Variants in ARHGAP26 observed in about 807,000 individuals in gnomAD.
ARHGAP26 encodes the protein Rho GTPase activating protein 26, also known as rho GTPase-activating protein 26.
ARHGAP26 carries 38 observed loss-of-function variants against 104.8 expected under a neutral mutation model. The observed-to-expected ratio is 0.36, with a 90% confidence interval of 0.28 to 0.48. ARHGAP26 has a LOEUF of 0.48. Among genes scored for constraint, ARHGAP26 ranks in the 20% least tolerant of loss-of-function variants. The pLI, the probability that ARHGAP26 is intolerant of heterozygous loss-of-function variation, is 0.99. For missense variants in ARHGAP26, 704 were observed against 947.9 expected, an observed-to-expected ratio of 0.74 and a Z score of 3.38; for synonymous variants, 341 against 340.0, an observed-to-expected ratio of 1.00 and a Z score of -0.03.
At chr5:142,859,700 T>C (rs1194991035) in intron 1 of ARHGAP26, 1 of 152,286 alleles carries the variant, frequency 6.6e-6, no homozygotes, top group African/African-American at 2.4e-5. Flanking sequence ...ATGCACATTT[T>C]CCCAGTGTGC....
chr5:142,908,570 G>A (rs1761423096), intron 9 of ARHGAP26, among the ~76,000 whole-genome samples: 1 of 152,168 alleles, frequency 6.6e-6, no homozygotes, highest in African/African-American at 2.4e-5. Context: ...AACTAAAGTA[G>A]ACACTGCATT....
intron 14 of ARHGAP26, among the ~76,000 whole-genome samples, chr5:143,052,464 G>A (rs1051778536): frequency 1.3e-5 from 2 of 150,104 alleles, no homozygotes; most frequent in Non-Finnish European, 3.0e-5. Context: ...GTGAGACTCT[G>A]TCTGAAAAAA....
rs140275712 is a variant in ARHGAP26, at chr5:142,786,121, C to T, written c.154+15206C>T. 9.5e-3 allele frequency among the ~76,000 whole-genome samples: 1,435 copies of T among 151,792 alleles called. 13 individuals carry two copies. The highest frequency in any genetic ancestry group is 0.016 in the Non-Finnish European group (1,089 of 67,962). The stretch of plus-strand genomic sequence containing the variant: ...AAGTAGCCAGAACTACTGGCTTTTG[C>T]CACTATGCCTGGCTAATTAAAAAAC... On this transcript the variant is annotated intron_variant, in intron 1 of 22. Coordinates refer to ENST00000645722, the MANE Select transcript of ARHGAP26 (RefSeq NM_001135608.3).
chr5:143,134,466 T>A (rs1797702759), intron 19 of ARHGAP26, among the ~76,000 whole-genome samples: 1 of 152,188 alleles, frequency 6.6e-6, no homozygotes, highest in Admixed American at 6.5e-5. Flanking sequence ...TTTCCTTTTC[T>A]CGGTTGTAAT....
chr5:143,207,174 T>C, intron 20 of ARHGAP26, 24 bp from the exon 21 acceptor site: 1 of 1,607,198 alleles, frequency 6.2e-7, no homozygotes, highest in Non-Finnish European at 8.5e-7. Flanking sequence ...TGCTGACAAG[T>C]TTTCTGGTTG....
chr5:143,153,283 A>G (rs1031719742), intron 20 of ARHGAP26, among the ~76,000 whole-genome samples: 1 of 152,216 alleles, frequency 6.6e-6, no homozygotes, highest in Non-Finnish European at 1.5e-5. Context: ...TAGTTCTGGC[A>G]TCGACATTGC....
intron 20 of ARHGAP26, among the ~76,000 whole-genome samples, chr5:143,193,708 A>G (rs1175181339): frequency 5.9e-5 from 9 of 152,220 alleles, no homozygotes; most frequent in Non-Finnish European, 1.5e-5. Flanking sequence ...GGGAAAATAT[A>G]TGCTGAGGCT....
chr5:143,028,814 A>G (rs1474515857), intron 12 of ARHGAP26, among the ~76,000 whole-genome samples: 1 of 152,194 alleles, frequency 6.6e-6, no homozygotes, highest in Non-Finnish European at 1.5e-5. Context: ...ACTTTAGTTA[A>G]TATTAAAGTT....
intron 11 of ARHGAP26, among the ~76,000 whole-genome samples, chr5:142,994,906 G>A (rs1184925247): frequency 1.3e-5 from 2 of 152,174 alleles, no homozygotes. Context: ...AAATAGGTTT[G>A]ACAAAAACAA....
chr5:142,880,985 C>G (rs948640937), intron 4 of ARHGAP26, among the ~76,000 whole-genome samples: 1 of 152,218 alleles, frequency 6.6e-6, no homozygotes, highest in Admixed American at 6.5e-5. Flanking sequence ...GGTGCTGTAT[C>G]AGAGATTAAG....
chr5:142,797,075 G>A (rs572042656), intron 1 of ARHGAP26, among the ~76,000 whole-genome samples: 1 of 152,342 alleles, frequency 6.6e-6, no homozygotes, highest in African/African-American at 2.4e-5. Flanking sequence ...AAGAGTCTTT[G>A]TTCAGTGGAC....
At position 143,224,694 on chromosome 5, in the gene ARHGAP26, T is replaced by G; in HGVS notation, c.*2248T>G. The G allele has an allele frequency of 4.4e-6, 1 of 229,570 alleles. No individual in the cohort carries two copies. Among genetic ancestry groups the G allele is most frequent in the Non-Finnish European group, 8.6e-6 (1 of 115,760 alleles). 14.2% of individuals were successfully genotyped at this position (229,570 alleles called of 1,614,324 possible). A position where few individuals can be genotyped will look rare whatever the true frequency, so the allele number is the denominator to read the frequency against. Reference sequence around the variant, plus strand: ...TCTGTAAGTTCTTAAAGAACCAGCTTCTTAGAATGTTCAGTTCTCAATGTG... The same window carrying G: ...TCTGTAAGTTCTTAAAGAACCAGCTGCTTAGAATGTTCAGTTCTCAATGTG... On this transcript the variant is annotated 3_prime_UTR_variant, in exon 23 of 23. Transcript: ENST00000645722.
At chr5:142,857,273 G>A (rs1752514806) in intron 1 of ARHGAP26, among the ~76,000 whole-genome samples, 1 of 152,140 alleles carries the variant, frequency 6.6e-6, no homozygotes, top group South Asian at 2.1e-4. Context: ...CAATTTTGAG[G>A]GTACTATCCA....
intron 17 of ARHGAP26, among the ~76,000 whole-genome samples, chr5:143,078,393 G>C (rs246643): frequency 0.44 from 66,428 of 151,906 alleles, 17,968 homozygotes; most frequent in East Asian, 0.91. Flanking sequence ...ATTTCAATTC[G>C]GATTTTGGTT....
chr5:142,783,273 C>A (rs1304544782), intron 1 of ARHGAP26, among the ~76,000 whole-genome samples: 3 of 152,232 alleles, frequency 2.0e-5, no homozygotes, highest in Non-Finnish European at 4.4e-5. Context: ...GCCAGTGTGG[C>A]TCCACGCCTG....
intron 20 of ARHGAP26, among the ~76,000 whole-genome samples, chr5:143,177,154 T>A (rs1370155872): frequency 6.6e-6 from 1 of 152,234 alleles, no homozygotes; most frequent in East Asian, 1.9e-4. Flanking sequence ...TGATAAGTTA[T>A]ATGATCACTC....
At chr5:142,911,288 C>A (rs1249237793) in intron 9 of ARHGAP26, among the ~76,000 whole-genome samples, 2 of 152,200 alleles carry the variant, frequency 1.3e-5, no homozygotes, top group Non-Finnish European at 2.9e-5. Flanking sequence ...TGTCACTCCT[C>A]AAAGTCTTCT....
intron 11 of ARHGAP26, among the ~76,000 whole-genome samples, chr5:142,994,835 A>G (rs534122388): frequency 2.0e-5 from 3 of 152,318 alleles, no homozygotes; most frequent in African/African-American, 7.2e-5. Flanking sequence ...TCTCCATTTT[A>G]TAGATGGGGT....
intron 11 of ARHGAP26, among the ~76,000 whole-genome samples, chr5:142,973,996 A>G (rs368530298): frequency 6.6e-6 from 1 of 152,008 alleles, no homozygotes; most frequent in Non-Finnish European, 1.5e-5. Context: ...GTGCCCTAAC[A>G]TTTTTAGCTT....
Sources: gnomAD v4.1 joint callset for allele counts (sites outside exome capture counted in the v4.1 genomes callset) on GRCh38, gnomAD v4.1.1 for gene constraint, MANE v1.5 for transcripts, NCBI Gene and HGNC (gene_info 2026-07-23, HGNC 2026-07-21) for gene names.